The following GALNT13 variants were observed in gnomAD, a reference collection of about 807,000 sequenced individuals.
The protein encoded by GALNT13 is polypeptide N-acetylgalactosaminyltransferase 13.
GALNT13 carries 28 observed loss-of-function variants against 64.2 expected under a neutral mutation model. The observed-to-expected ratio is 0.44, with a 90% CI of 0.32 to 0.60. The LOEUF (loss-of-function observed/expected upper bound fraction) is 0.60. Among genes scored for constraint, GALNT13 ranks in the 20% least tolerant of loss-of-function variants. The probability of loss-of-function intolerance (pLI) is 0.05; values close to 1 mark genes in which losing one functional copy is unlikely to be tolerated. For missense variants in GALNT13, 577 were observed against 669.8 expected, an observed-to-expected ratio of 0.86 and a Z score of 1.53; for synonymous variants, 214 against 224.6, an observed-to-expected ratio of 0.95 and a Z score of 0.42.
the GALNT13 span, among the ~76,000 whole-genome samples, chr2:153,176,507 C>T: frequency 5.1e-3 from 773 of 151,126 alleles, 5 homozygotes; most frequent in African/African-American, 0.018. Context: ...ATAGAAAATC[C>T]GAAATTAAGA....
intron 2 of GALNT13, among the ~76,000 whole-genome samples, chr2:153,942,758 C>A (rs1348089977): frequency 6.6e-6 from 1 of 151,942 alleles, no homozygotes; most frequent in African/African-American, 2.4e-5. Context: ...AAAATAAAAT[C>A]TGTTACAATA....
chr2:154,258,940 A>T, intron 7 of GALNT13, 81 bp from the exon 8 acceptor site: 1 of 727,036 alleles, frequency 1.4e-6, no homozygotes. Flanking sequence ...AGAATGTCTC[A>T]AAAATACGTG....
chr2:154,357,212 T>C (rs1202488966), intron 9 of GALNT13, among the ~76,000 whole-genome samples: 1 of 152,114 alleles, frequency 6.6e-6, no homozygotes, highest in Non-Finnish European at 1.5e-5. Flanking sequence ...AGATCTCTTT[T>C]AGCTCTTAAC....
At chr2:153,574,182 T>C in the GALNT13 span, among the ~76,000 whole-genome samples, 1,273 of 151,636 alleles carry the variant, frequency 8.4e-3, 17 homozygotes, top group African/African-American at 0.029. Flanking sequence ...CATTCTCTCC[T>C]GGCCTGTAAG....
At chr2:154,434,340 A>G (rs1306460364) in intron 11 of GALNT13, among the ~76,000 whole-genome samples, 1 of 152,062 alleles carries the variant, frequency 6.6e-6, no homozygotes, top group African/African-American at 2.4e-5. Flanking sequence ...GCTCACTGCA[A>G]ATTCCGCCTC....
chr2:153,401,393 G>A, the GALNT13 span, among the ~76,000 whole-genome samples: 1 of 151,754 alleles, frequency 6.6e-6, no homozygotes, highest in Non-Finnish European at 1.5e-5. Flanking sequence ...TGAAAAAAAT[G>A]TATATTCTGT....
chr2:153,646,432 C>T, the GALNT13 span, among the ~76,000 whole-genome samples: 2 of 144,572 alleles, frequency 1.4e-5, no homozygotes, highest in African/African-American at 5.1e-5. Flanking sequence ...ATTGAAGTTA[C>T]AATTATTTCT....
chr2:153,125,855 A>C, the GALNT13 span, among the ~76,000 whole-genome samples: 1 of 152,194 alleles, frequency 6.6e-6, no homozygotes, highest in Non-Finnish European at 1.5e-5. Flanking sequence ...GATAATTTAC[A>C]TAATCTGTTC....
the GALNT13 span, among the ~76,000 whole-genome samples, chr2:153,323,118 G>A: frequency 2.6e-5 from 4 of 152,146 alleles, no homozygotes; most frequent in Admixed American, 2.6e-4. Flanking sequence ...CCCGCCAACA[G>A]TGTAAAAGCA....
At chr2:153,851,701 A>G in the GALNT13 span, among the ~76,000 whole-genome samples, 44,606 of 152,034 alleles carry the variant, frequency 0.29, 7,105 homozygotes, top group Middle Eastern at 0.44. Context: ...TGTCTCAAAG[A>G]AAGAAGAACA....
At chr2:153,103,052 C>G in the GALNT13 span, among the ~76,000 whole-genome samples, 1 of 152,060 alleles carries the variant, frequency 6.6e-6, no homozygotes, top group Non-Finnish European at 1.5e-5. Flanking sequence ...ACTTGCACCT[C>G]CCTCCCCACC....
intron 3 of GALNT13, among the ~76,000 whole-genome samples, chr2:153,946,585 C>A (rs1299970751): frequency 6.6e-6 from 1 of 152,048 alleles, no homozygotes; most frequent in East Asian, 1.9e-4. Flanking sequence ...AAACAGCTGT[C>A]TTCTCACTAA....
the GALNT13 span, among the ~76,000 whole-genome samples, chr2:153,315,051 A>G: frequency 6.6e-6 from 1 of 152,174 alleles, no homozygotes; most frequent in East Asian, 1.9e-4. Flanking sequence ...TGGAAGTACT[A>G]ATGATAAGAA....
At chr2:154,097,109 A>G (rs1702113423) in intron 3 of GALNT13, among the ~76,000 whole-genome samples, 1 of 152,052 alleles carries the variant, frequency 6.6e-6, no homozygotes, top group South Asian at 2.1e-4. Context: ...TTTATAGAGG[A>G]TTTGCCATAA....
At chr2:153,543,846 TA>T in the GALNT13 span, among the ~76,000 whole-genome samples, 1 of 152,248 alleles carries the variant, frequency 6.6e-6, no homozygotes, top group Non-Finnish European at 1.5e-5. Context: ...TGAGAACTTT[TA>T]AATACCTTTC....
chr2:153,697,994 T>A, the GALNT13 span, among the ~76,000 whole-genome samples: 1,418 of 152,240 alleles, frequency 9.3e-3, 23 homozygotes, highest in African/African-American at 0.032. Flanking sequence ...CCGGCCAAAC[T>A]AAACTTCATA....
intron 12 of GALNT13, among the ~76,000 whole-genome samples, chr2:154,439,276 G>T (rs1330439137): frequency 6.6e-6 from 1 of 152,040 alleles, no homozygotes; most frequent in Non-Finnish European, 1.5e-5. Context: ...CAGAGAAGAG[G>T]GAGAGAAAAC....
chr2:154,349,833 A>G (rs1696288819), intron 9 of GALNT13, among the ~76,000 whole-genome samples: 1 of 152,228 alleles, frequency 6.6e-6, no homozygotes, highest in African/African-American at 2.4e-5. Flanking sequence ...AGTGTTAAGT[A>G]ACTCAATGTT....
chr2:153,116,945 G>A, the GALNT13 span, among the ~76,000 whole-genome samples: 7 of 151,518 alleles, frequency 4.6e-5, no homozygotes, highest in Admixed American at 1.3e-4. Context: ...GACTACAGGC[G>A]CCCGCCACCA....
Sources: gnomAD v4.1 joint callset for allele counts (sites outside exome capture counted in the v4.1 genomes callset) on GRCh38, gnomAD v4.1.1 for gene constraint, MANE v1.5 for transcripts, NCBI Gene and HGNC (gene_info 2026-07-23, HGNC 2026-07-21) for gene names.